Variants in ZFHX3 observed in about 807,000 individuals in gnomAD.
ZFHX3 encodes zinc finger homeobox 3.
Under a neutral mutation model 279.1 loss-of-function variants are expected in ZFHX3, and 42 were observed. That is an observed-to-expected ratio of 0.15 (90% CI 0.12 to 0.19). The LOEUF (loss-of-function observed/expected upper bound fraction) is 0.19. Among genes scored for constraint, ZFHX3 ranks in the 10% least tolerant of loss-of-function variants. ZFHX3 has a pLI of 1.00. For missense variants in ZFHX3, 4,981 were observed against 4,754.0 expected, an observed-to-expected ratio of 1.05 and a Z score of -1.40; for synonymous variants, 2,293 against 1,957.8, an observed-to-expected ratio of 1.17 and a Z score of -4.52.
chr16:73,858,087 T>C (rs942804220), intron 1 of ZFHX3, among the ~76,000 whole-genome samples: 2 of 149,288 alleles, frequency 1.3e-5, no homozygotes, highest in Admixed American at 6.6e-5. Context: ...CAGAACAAGA[T>C]TCTGTCTCAA....
At chr16:73,197,964 G>C (rs1421818043) in intron 5 of ZFHX3, among the ~76,000 whole-genome samples, 1 of 107,092 alleles carries the variant, frequency 9.3e-6, no homozygotes, top group African/African-American at 3.6e-5. Flanking sequence ...TTGAGATGGA[G>C]TATTGCTCTG....
At chr16:73,042,056 T>C (rs957621566) in intron 1 of ZFHX3, among the ~76,000 whole-genome samples, 4 of 152,236 alleles carry the variant, frequency 2.6e-5, no homozygotes, top group South Asian at 2.1e-4. Flanking sequence ...ACTGGAAGCA[T>C]GGGGAGCAGC....
At chr16:73,611,964 T>C (rs761103304) in intron 2 of ZFHX3, among the ~76,000 whole-genome samples, 19 of 152,246 alleles carry the variant, frequency 1.2e-4, no homozygotes, top group Admixed American at 2.6e-4. Flanking sequence ...ATCTTTGGGC[T>C]ATATTACACA....
intron 5 of ZFHX3, among the ~76,000 whole-genome samples, chr16:73,168,639 C>T (rs1440336019): frequency 1.3e-5 from 2 of 152,178 alleles, no homozygotes; most frequent in Admixed American, 6.5e-5. Flanking sequence ...TCCAAACCCA[C>T]ATTGTCCCTC....
At chr16:73,558,137 C>G (rs2020314998) in intron 2 of ZFHX3, 1 of 152,218 alleles carries the variant, frequency 6.6e-6, no homozygotes, top group African/African-American at 2.4e-5. Flanking sequence ...GAATGGCTTC[C>G]CAACAGGCCA....
At chr16:73,630,866 G>C (rs771008970) in intron 2 of ZFHX3, among the ~76,000 whole-genome samples, 2 of 152,206 alleles carry the variant, frequency 1.3e-5, no homozygotes, top group Non-Finnish European at 2.9e-5. Context: ...GGGAGAAAGG[G>C]TAGCTATGCA....
chr16:73,329,729 G>T (rs970755265), intron 3 of ZFHX3, among the ~76,000 whole-genome samples: 8 of 152,216 alleles, frequency 5.3e-5, no homozygotes, highest in Non-Finnish European at 1.2e-4. Context: ...GAAGGGGGGA[G>T]TTGGGATTAA....
intron 3 of ZFHX3, among the ~76,000 whole-genome samples, chr16:73,428,960 C>T (rs2017860998): frequency 6.6e-6 from 1 of 152,200 alleles, no homozygotes; most frequent in Non-Finnish European, 1.5e-5. Context: ...TCCCATTCTT[C>T]CTTCACGAGG....
intron 3 of ZFHX3, among the ~76,000 whole-genome samples, chr16:73,435,719 G>C (rs2017985300): frequency 6.6e-6 from 1 of 152,216 alleles, no homozygotes; most frequent in South Asian, 2.1e-4. Context: ...TGTCTCACCT[G>C]CTATCCTAGA....
chr16:73,359,034 G>A (rs183771441), intron 3 of ZFHX3, among the ~76,000 whole-genome samples: 10 of 152,318 alleles, frequency 6.6e-5, no homozygotes, highest in Admixed American at 3.3e-4. Context: ...GATGATAAGA[G>A]AGGGTATAAT....
chr16:73,477,120 C>T (rs888053082), intron 2 of ZFHX3, among the ~76,000 whole-genome samples: 16 of 152,176 alleles, frequency 1.1e-4, no homozygotes, highest in African/African-American at 3.9e-4. Flanking sequence ...AATGAAAAAT[C>T]ATGCTTTGTA....
chr16:73,563,789 G>C (rs556151904), intron 2 of ZFHX3, among the ~76,000 whole-genome samples: 2 of 152,118 alleles, frequency 1.3e-5, no homozygotes, highest in South Asian at 4.2e-4. Flanking sequence ...TTGTTTTGGA[G>C]TCCTAGGATT....
intron 6 of ZFHX3, among the ~76,000 whole-genome samples, chr16:73,139,463 C>A (rs1316214648): frequency 6.6e-6 from 1 of 152,122 alleles, no homozygotes; most frequent in Non-Finnish European, 1.5e-5. Context: ...GCTTGCATTT[C>A]TCAAGATATT....
At chr16:73,327,262 T>C (rs2015709210) in intron 3 of ZFHX3, among the ~76,000 whole-genome samples, 1 of 152,194 alleles carries the variant, frequency 6.6e-6, no homozygotes, top group Non-Finnish European at 1.5e-5. Context: ...GTGAGCTGAT[T>C]TTAACTATGC....
intron 4 of ZFHX3, among the ~76,000 whole-genome samples, chr16:73,266,797 C>G (rs1231456712): frequency 6.6e-6 from 1 of 152,228 alleles, no homozygotes; most frequent in Admixed American, 6.5e-5. Flanking sequence ...TGCCCATGCT[C>G]TCTTGCCTTC....
At position 72,793,823 on chromosome 16, in the gene ZFHX3, C is replaced by T. The variant is rs1881641474; in HGVS notation, c.8859G>A (p.Met2953Ile). 6.2e-7 allele frequency: 1 copy of T among 1,614,124 alleles called. No individual in the cohort carries two copies. Among genetic ancestry groups the T allele is most frequent in the Non-Finnish European group, 8.5e-7 (1 of 1,180,026 alleles). Residue 2953 changes from methionine to isoleucine, a missense_variant, in exon 9 of 10, where the codon ATG (methionine) becomes ATA (isoleucine). Physicochemically the swap from Met to Ile is conservative, Grantham distance 10. Transcript: ENST00000268489. The surrounding 1 kb of genome is among the most constrained non-coding windows in gnomAD (Gnocchi z 4.3). ...RPGQKRFRTQ[M>I]TNLQLKVLKS... ...TGAGGACCTTCAGCTGCAGATTGGT[C>T]ATTTGAGTGCGAAAACGTTTCTGCC...
chr16:73,233,300 T>C (rs1360889735), intron 5 of ZFHX3, among the ~76,000 whole-genome samples: 1 of 151,976 alleles, frequency 6.6e-6, no homozygotes, highest in East Asian at 1.9e-4. Context: ...TGCCAGGGTA[T>C]ACAGTGATGT....
intron 3 of ZFHX3, among the ~76,000 whole-genome samples, chr16:72,934,842 TG>T (rs1245552650): frequency 6.6e-6 from 1 of 152,156 alleles, no homozygotes; most frequent in Non-Finnish European, 1.5e-5. Context: ...CCACAACCTC[TG>T]GGGGTCAAGC....
intron 4 of ZFHX3, among the ~76,000 whole-genome samples, chr16:72,840,176 G>C (rs2037310255): frequency 6.6e-6 from 1 of 152,026 alleles, no homozygotes; most frequent in African/African-American, 2.4e-5. Flanking sequence ...GAAAATACTG[G>C]AAATATATGG....
Sources: gnomAD v4.1 joint callset for allele counts (sites outside exome capture counted in the v4.1 genomes callset) on GRCh38, gnomAD v4.1.1 for gene constraint, Gnocchi (gnomAD v3.1) non-coding constraint, MANE v1.5 for transcripts, NCBI Gene and HGNC (gene_info 2026-07-23, HGNC 2026-07-21) for gene names.